ST8SIA1: variants seen among roughly 807,000 people sequenced by gnomAD.
ST8SIA1 encodes alpha-N-acetylneuraminide alpha-2,8-sialyltransferase.
ST8SIA1 carries 16 observed loss-of-function variants against 35.9 expected under a neutral mutation model. The observed-to-expected ratio is 0.45, with a 90% CI of 0.30 to 0.68. The LOEUF (loss-of-function observed/expected upper bound fraction) is 0.68. Among genes scored for constraint, ST8SIA1 ranks in the 30% least tolerant of loss-of-function variants. The pLI, the probability that ST8SIA1 is intolerant of heterozygous loss-of-function variation, is 0.09. For missense variants in ST8SIA1, 383 were observed against 453.6 expected (o/e 0.84, Z 1.41); for synonymous variants, 170 against 169.6 (o/e 1.00, Z -0.02).
rs192423939 is a variant in ST8SIA1, at chr12:22,272,480, G to C, written c.381+14669C>G. Among the ~76,000 whole-genome samples the C allele has an allele frequency of 8.1e-4, 124 of 152,310 alleles. 1 individual carries two copies. Among genetic ancestry groups the C allele is most frequent in the Non-Finnish European group, 1.5e-4 (10 of 68,022 alleles). On this transcript the variant is annotated intron_variant, in intron 2 of 4. Transcript: ENST00000396037. ...AAAATTATTACTGTCTCTGGCAAGA[G>C]GTTGTTTGGGAACTATATTGACTGG...
At position 22,193,402 on chromosome 12, in the gene ST8SIA1, A is replaced by C. The variant is rs1056879036; in HGVS notation, c.*8150T>G. ...AAGACTTCACAAGCTATAAAAAATC[A>C]TTTTATTCACAGGGTACATTTACAA... On this transcript the variant is annotated 3_prime_UTR_variant, in exon 5 of 5. Transcript: ENST00000396037. The C allele has an allele frequency of 1.3e-5, 2 of 152,208 alleles. No individual in the cohort carries two copies. Among genetic ancestry groups the C allele is most frequent in the Admixed American group, 1.3e-4 (2 of 15,286 alleles). The allele number at this position is 152,208 out of a possible 1,614,324, so 9.4% of individuals were successfully genotyped here.
At position 22,199,136 on chromosome 12, in the gene ST8SIA1, A is replaced by G. The variant is rs1420232278; in HGVS notation, c.*2416T>C. On this transcript the variant is annotated 3_prime_UTR_variant, in exon 5 of 5. Coordinates refer to ENST00000396037, the MANE Select transcript of ST8SIA1 (RefSeq NM_003034.4). ...ATAAAAAGATGAAAAATTTCCACATAATATTTTCTTTCTTTTTCTTTTCTT... is the reference window on the plus strand; with the variant it reads ...ATAAAAAGATGAAAAATTTCCACATGATATTTTCTTTCTTTTTCTTTTCTT... 6.7e-6 allele frequency: 1 copy of G among 149,338 alleles called. No homozygotes were observed. The highest frequency in any genetic ancestry group is 1.5e-5 in the Non-Finnish European group (1 of 67,758). The allele number at this position is 149,338 out of a possible 1,614,324, so 9.3% of individuals were successfully genotyped here.
intron 3 of ST8SIA1, among the ~76,000 whole-genome samples, chr12:22,252,373 A>G (rs1865681710): frequency 6.6e-6 from 1 of 152,224 alleles, no homozygotes; most frequent in Non-Finnish European, 1.5e-5. Context: ...ATCTCGATAC[A>G]TTAAGCATGC....
chr12:22,284,073 T>TA (rs1866066856), intron 2 of ST8SIA1, among the ~76,000 whole-genome samples: 1 of 152,220 alleles, frequency 6.6e-6, no homozygotes, highest in Non-Finnish European at 1.5e-5. Context: ...TTTCAATAGT[T>TA]ACCTCCTGAG....
intron 2 of ST8SIA1, among the ~76,000 whole-genome samples, chr12:22,278,292 T>A (rs1192625651): frequency 6.6e-6 from 1 of 152,230 alleles, no homozygotes. Flanking sequence ...CTGTGTTTTT[T>A]TCTTGAGTCC....
At chr12:22,285,637 C>T (rs868027004) in intron 2 of ST8SIA1, among the ~76,000 whole-genome samples, 27 of 152,080 alleles carry the variant, frequency 1.8e-4, no homozygotes, top group Middle Eastern at 3.4e-3. Context: ...TTTGGGAGGC[C>T]GAGGTGGGCA....
intron 1 of ST8SIA1, among the ~76,000 whole-genome samples, chr12:22,305,379 CTT>C (rs71053397): frequency 3.2e-4 from 42 of 132,954 alleles, no homozygotes; most frequent in Admixed American, 3.8e-4. Context: ...TTCCAGCATA[CTT>C]TTTTTTTTTT....
At chr12:22,219,561 G>T (rs1467137573) in intron 4 of ST8SIA1, among the ~76,000 whole-genome samples, 2 of 152,140 alleles carry the variant, frequency 1.3e-5, no homozygotes, top group Non-Finnish European at 2.9e-5. Context: ...CCTTTGGTTA[G>T]GTGACCCGGC....
chr12:22,321,344 G>T (rs1591857331), intron 1 of ST8SIA1, among the ~76,000 whole-genome samples: 1 of 152,302 alleles, frequency 6.6e-6, no homozygotes, highest in South Asian at 2.1e-4. Context: ...TTTGCCATTA[G>T]AAGGCTGGGC....
intron 1 of ST8SIA1, among the ~76,000 whole-genome samples, chr12:22,317,933 T>C (rs1866540790): frequency 6.6e-6 from 1 of 152,178 alleles, no homozygotes; most frequent in Non-Finnish European, 1.5e-5. Context: ...AAGGAGATTA[T>C]ATATCTCAGT....
chr12:22,265,029 A>T (rs894458811), intron 2 of ST8SIA1, among the ~76,000 whole-genome samples: 1 of 152,224 alleles, frequency 6.6e-6, no homozygotes, highest in African/African-American at 2.4e-5. Flanking sequence ...ATGATCTGTT[A>T]TTCTGGATAC....
chr12:22,271,106 T>G (rs1473831078), intron 2 of ST8SIA1, among the ~76,000 whole-genome samples: 1 of 152,130 alleles, frequency 6.6e-6, no homozygotes, highest in Non-Finnish European at 1.5e-5. Context: ...CTCAAGAAAA[T>G]GAAGCTTTGG....
intron 4 of ST8SIA1, among the ~76,000 whole-genome samples, chr12:22,205,502 G>A (rs968049406): frequency 6.6e-6 from 1 of 152,072 alleles, no homozygotes; most frequent in African/African-American, 2.4e-5. Flanking sequence ...AAACCAATAA[G>A]ATTTTTTAAA....
chr12:22,303,869 C>CACACACACACAT (rs1404537378), intron 1 of ST8SIA1, among the ~76,000 whole-genome samples: 10 of 151,958 alleles, frequency 6.6e-5, no homozygotes, highest in African/African-American at 1.9e-4. Flanking sequence ...CACACACACA[C>CACACACACACAT]ACACACACAC....
rs201944416 is a variant in ST8SIA1, at chr12:22,203,388, G to A, written c.585-1350C>T. Among the ~76,000 whole-genome samples the A allele has an allele frequency of 5.5e-4, 84 of 152,244 alleles. No homozygotes were observed. The East Asian group carries it at 0.015, about 28-fold the overall frequency. On this transcript the variant is annotated intron_variant, in intron 4 of 4. Coordinates refer to ENST00000396037, the MANE Select transcript of ST8SIA1 (RefSeq NM_003034.4). Reference sequence around the variant, plus strand: ...AAAGTCTGGCCTGACATGTTGGCAGGCTCATCATAATTATGTGAAATTAAA... The same window carrying A: ...AAAGTCTGGCCTGACATGTTGGCAGACTCATCATAATTATGTGAAATTAAA...
intron 4 of ST8SIA1, among the ~76,000 whole-genome samples, chr12:22,232,082 C>T (rs1865427735): frequency 6.6e-6 from 1 of 152,198 alleles, no homozygotes. Context: ...TTCAGCCTCC[C>T]ATAGTGTCCC....
At chr12:22,222,141 A>C (rs1351366488) in intron 4 of ST8SIA1, among the ~76,000 whole-genome samples, 1 of 152,240 alleles carries the variant, frequency 6.6e-6, no homozygotes, top group Admixed American at 6.5e-5. Flanking sequence ...AAACAAACTT[A>C]ACTTATTTAA....
chr12:22,310,088 G>A (rs1461025552), intron 1 of ST8SIA1, among the ~76,000 whole-genome samples: 8 of 151,998 alleles, frequency 5.3e-5, no homozygotes, highest in Non-Finnish European at 7.4e-5. Flanking sequence ...CTATGGCATC[G>A]GTCAAATACA....
chr12:22,321,952 T>C (rs1866607775), intron 1 of ST8SIA1, among the ~76,000 whole-genome samples: 1 of 152,222 alleles, frequency 6.6e-6, no homozygotes, highest in African/African-American at 2.4e-5. Flanking sequence ...ATTCTACCAG[T>C]AATTGAGCTT....
Sources: gnomAD v4.1 joint callset for allele counts (sites outside exome capture counted in the v4.1 genomes callset) on GRCh38, gnomAD v4.1.1 for gene constraint, MANE v1.5 for transcripts, NCBI Gene and HGNC (gene_info 2026-07-23, HGNC 2026-07-21) for gene names.